Variants in CEP128 observed in about 807,000 individuals in gnomAD.
CEP128 encodes the protein centrosomal protein 128kDa.
In CEP128, 132 loss-of-function variants were observed where a neutral mutation model predicts 156.7. The observed-to-expected ratio is 0.84, with a 90% CI of 0.73 to 0.97. CEP128 has a LOEUF of 0.97. CEP128 is among the 50% of genes least tolerant of loss of function. The probability of loss-of-function intolerance (pLI) is 0.00; values close to 1 mark genes in which losing one functional copy is unlikely to be tolerated. For missense variants in CEP128, 1,252 were observed against 1,281.9 expected (o/e 0.98, Z 0.36); for synonymous variants, 469 against 448.9 (o/e 1.04, Z -0.57).
intron 19 of CEP128, among the ~76,000 whole-genome samples, chr14:80,684,127 T>G (rs1361534766): frequency 6.6e-6 from 1 of 151,534 alleles, no homozygotes; most frequent in Non-Finnish European, 1.5e-5. Flanking sequence ...GACCCAAATA[T>G]CCATACAAAG....
At chr14:80,897,117 C>A (rs543861657) in intron 7 of CEP128, among the ~76,000 whole-genome samples, 18 of 152,148 alleles carry the variant, frequency 1.2e-4, no homozygotes, top group African/African-American at 4.3e-4. Context: ...TGCTGTATAT[C>A]CACACAGTGG....
chr14:80,917,849 C>A (rs1009839436), intron 2 of CEP128, among the ~76,000 whole-genome samples: 1 of 152,018 alleles, frequency 6.6e-6, no homozygotes, highest in Non-Finnish European at 1.5e-5. Flanking sequence ...CATAACTAAA[C>A]AAATAAACAA....
chr14:80,825,134 C>G (rs1010222330), intron 13 of CEP128, among the ~76,000 whole-genome samples: 1 of 152,132 alleles, frequency 6.6e-6, no homozygotes, highest in African/African-American at 2.4e-5. Flanking sequence ...AAGACCTGCC[C>G]CCATGATTCA....
intron 19 of CEP128, among the ~76,000 whole-genome samples, chr14:80,626,725 A>G (rs997904015): frequency 4.6e-5 from 7 of 152,142 alleles, no homozygotes; most frequent in African/African-American, 1.7e-4. Flanking sequence ...CCTGACTTCA[A>G]GAAAATAAAC....
At chr14:80,827,482 A>AT (rs1186317609) in intron 13 of CEP128, among the ~76,000 whole-genome samples, 1 of 152,236 alleles carries the variant, frequency 6.6e-6, no homozygotes, top group African/African-American at 2.4e-5. Context: ...GCACAGCAAC[A>AT]TATCAAAAGA....
chr14:80,840,601 G>T, intron 10 of CEP128, 81 bp downstream of exon 10: 1 of 832,942 alleles, frequency 1.2e-6, no homozygotes. Context: ...AAGGATCCTG[G>T]GGACACTTTT....
chr14:80,806,879 T>C (rs761104047), intron 13 of CEP128, among the ~76,000 whole-genome samples: 2 of 152,152 alleles, frequency 1.3e-5, no homozygotes, highest in African/African-American at 2.4e-5. Flanking sequence ...CTAATATTAT[T>C]GGCTTACATC....
At position 80,916,394 on chromosome 14, in the gene CEP128, A is replaced by C; in HGVS notation, c.147+7T>G. 1 of 1,608,846 alleles carries C rather than the reference A, an allele frequency of 6.2e-7. No individual in the cohort carries two copies. The highest frequency in any genetic ancestry group is 8.5e-7 in the Non-Finnish European group (1 of 1,177,126). ...ATTCTATTAAATGCAACCATTGTTAAACTAACCTGTAAAGTACTTGTTATA... is the reference window on the plus strand; with the variant it reads ...ATTCTATTAAATGCAACCATTGTTACACTAACCTGTAAAGTACTTGTTATA... On this transcript the variant is annotated splice_region_variant and intron_variant, in intron 3 of 24. Transcript: ENST00000555265.
At chr14:80,549,822 G>A (rs1054778227) in intron 21 of CEP128, among the ~76,000 whole-genome samples, 1 of 152,200 alleles carries the variant, frequency 6.6e-6, no homozygotes, top group Non-Finnish European at 1.5e-5. Flanking sequence ...GCAGTAGGAT[G>A]AAGCACAATT....
intron 19 of CEP128, among the ~76,000 whole-genome samples, chr14:80,673,859 A>G (rs1422103982): frequency 6.6e-6 from 1 of 151,742 alleles, no homozygotes; most frequent in East Asian, 1.9e-4. Context: ...CAATTAATTA[A>G]TTCAAGAATA....
chr14:80,760,708 C>T (rs2139682339), intron 17 of CEP128, among the ~76,000 whole-genome samples: 1 of 152,152 alleles, frequency 6.6e-6, no homozygotes, highest in Non-Finnish European at 1.5e-5. Flanking sequence ...AAACCTAGAG[C>T]TGACAGAAGT....
chr14:80,759,845 T>C (rs558234718), intron 17 of CEP128, among the ~76,000 whole-genome samples: 78 of 152,148 alleles, frequency 5.1e-4, no homozygotes, highest in African/African-American at 1.8e-3. Context: ...ATCATGTATT[T>C]GCCTGCAATT....
At chr14:80,612,670 T>G (rs569385694) in intron 19 of CEP128, among the ~76,000 whole-genome samples, 1 of 152,024 alleles carries the variant, frequency 6.6e-6, no homozygotes, top group South Asian at 2.1e-4. Context: ...AGAGGGAAAA[T>G]AGAGTTAGCA....
In CEP128 at chr14:80,496,917, T is replaced by C. The variant is rs1887517172; in HGVS notation, c.*562A>G. On this transcript the variant is annotated 3_prime_UTR_variant, in exon 25 of 25. Coordinates refer to ENST00000555265, the MANE Select transcript of CEP128 (RefSeq NM_152446.5). Reference sequence around the variant, plus strand: ...GATTGGAAATAATTTTCAGCTACGGTATGCAGTTGTGGACTGTTAAGATGA... The same window carrying C: ...GATTGGAAATAATTTTCAGCTACGGCATGCAGTTGTGGACTGTTAAGATGA... 2 of 152,304 alleles carry C rather than the reference T, an allele frequency of 1.3e-5. No homozygotes were observed. The highest frequency in any genetic ancestry group is 1.3e-4 in the Admixed American group (2 of 15,272). 9.4% of individuals were successfully genotyped at this position (152,304 alleles called of 1,614,324 possible).
intron 19 of CEP128, among the ~76,000 whole-genome samples, chr14:80,716,712 G>A (rs189960263): frequency 1.3e-5 from 2 of 152,246 alleles, no homozygotes; most frequent in Non-Finnish European, 2.9e-5. Flanking sequence ...ATGTACATGC[G>A]TGTACGGGTT....
intron 18 of CEP128, 79 bp from the exon 19 acceptor site, chr14:80,743,346 G>A (rs1898932045): frequency 8.5e-7 from 1 of 1,175,464 alleles, no homozygotes; most frequent in South Asian, 1.4e-5. Context: ...AAAAAAATAA[G>A]TAACATAATT....
At chr14:80,488,479 A>G (rs1240497379), downstream of CEP128, among the ~76,000 whole-genome samples, 23 of 151,018 alleles carry the variant, frequency 1.5e-4, no homozygotes, top group South Asian at 4.5e-3. Flanking sequence ...AAAAGTCAGG[A>G]AACAACAGGT....
Position 80,838,229 on chromosome 14 carries a change from C to T in CEP128, c.899G>A (p.Gly300Asp), listed in dbSNP as rs1043133565. ...CTGATGCAAAAGTGTTTCTCGGCTG[C>T]CTTCTGATTGATTCAATAACCTTCG... The part of the protein sequence containing the change: ...LSRRLLNQSE[G>D]SRETLLHQVE... The change falls in exon 11 of 25, where the codon GGC (glycine) becomes GAC (aspartate). Residue 300 changes from glycine to aspartate, a missense_variant. Physicochemically the swap from Gly to Asp is moderately conservative, Grantham distance 94. Coordinates refer to ENST00000555265, the MANE Select transcript of CEP128 (RefSeq NM_152446.5). 1.2e-6 allele frequency: 2 copies of T among 1,613,096 alleles called. No individual in the cohort carries two copies. Among genetic ancestry groups the T allele is most frequent in the Admixed American group, 3.3e-5 (2 of 59,994 alleles).
At chr14:80,905,448 C>A (rs556595563) in intron 5 of CEP128, 1 of 154,834 alleles carries the variant, frequency 6.5e-6, no homozygotes, top group Admixed American at 6.4e-5. Context: ...TCACTGCAGG[C>A]TTTTCGATTC....
Sources: allele counts gnomAD v4.1 joint callset (sites outside exome capture counted in the v4.1 genomes callset), GRCh38; gene constraint gnomAD v4.1.1; transcripts MANE v1.5; gene names NCBI Gene and HGNC (gene_info 2026-07-23, HGNC 2026-07-21).